The following LRRK2 variants were observed in gnomAD, a reference collection of about 807,000 sequenced individuals.
The protein encoded by LRRK2 is leucine rich repeat kinase 2, also known as leucine-rich repeat serine/threonine-protein kinase 2.
In LRRK2, 203 loss-of-function variants were observed where a neutral mutation model predicts 302.6. The ratio of observed to expected loss-of-function variants is 0.67; its 90% CI spans 0.60 to 0.75. The LOEUF (loss-of-function observed/expected upper bound fraction) is 0.75. Among genes scored for constraint, LRRK2 ranks in the 30% least tolerant of loss-of-function variants. The pLI is 0.00. For missense variants in LRRK2, 2,830 were observed against 2,951.0 expected, an observed-to-expected ratio of 0.96 and a Z score of 0.95; for synonymous variants, 1,066 against 1,031.9, an observed-to-expected ratio of 1.03 and a Z score of -0.63.
chr12:40,363,390 T>C lies in LRRK2; in HGVS notation c.7029-12T>C. ...CAAATAGTGATGACTTTCTATTTTT[T>C]TTTCTCTGTAGGTTTTCTTATGCAG... On this transcript the variant is annotated splice_polypyrimidine_tract_variant and intron_variant, in intron 47 of 50. Coordinates refer to ENST00000298910, the MANE Select transcript of LRRK2 (RefSeq NM_198578.4). 1.2e-6 allele frequency: 2 copies of C among 1,610,312 alleles called. No homozygotes were observed. Among genetic ancestry groups the C allele is most frequent in the Non-Finnish European group, 1.7e-6 (2 of 1,177,774 alleles).
At chr12:40,227,722 G>T (rs1047019411) in intron 2 of LRRK2, among the ~76,000 whole-genome samples, 4 of 152,106 alleles carry the variant, frequency 2.6e-5, no homozygotes. Flanking sequence ...TAGAGACAGG[G>T]TCTCACTCTG....
At chr12:40,244,169 A>G (rs1276989792) in intron 7 of LRRK2, among the ~76,000 whole-genome samples, 1 of 152,150 alleles carries the variant, frequency 6.6e-6, no homozygotes, top group Non-Finnish European at 1.5e-5. Flanking sequence ...ACTATCCAGA[A>G]TTTTGTGTTT....
Position 40,232,306 on chromosome 12 carries a change from A to G in LRRK2, c.270A>G (p.Glu90=). Residue 90 remains glutamate, a synonymous_variant, in exon 3 of 51, where the codon GAA becomes GAG. Coordinates refer to ENST00000298910, the MANE Select transcript of LRRK2 (RefSeq NM_198578.4). ...GGTCACTTCTGTGCAAATTAATAGAAGTCTGTCCAGGTACAATGCAAAGCT... is the reference window on the plus strand; with the variant it reads ...GGTCACTTCTGTGCAAATTAATAGAGGTCTGTCCAGGTACAATGCAAAGCT... ...VGWSLLCKLI[E]VCPGTMQSLM... 9 of 1,614,134 alleles carry G rather than the reference A, an allele frequency of 5.6e-6. No individual in the cohort carries two copies. Among genetic ancestry groups the G allele is most frequent in the African/African-American group, 1.3e-5 (1 of 75,044 alleles).
chr12:40,250,002 A>G (rs542733029), intron 8 of LRRK2, 57 bp downstream of exon 8: 12 of 1,595,796 alleles, frequency 7.5e-6, no homozygotes, highest in Middle Eastern at 1.7e-4. Context: ...TCAAATATGA[A>G]CATTGTAACA....
intron 44 of LRRK2, among the ~76,000 whole-genome samples, chr12:40,353,031 G>T (rs1192908254): frequency 1.8e-4 from 27 of 151,846 alleles, no homozygotes; most frequent in Non-Finnish European, 3.4e-4. Context: ...TCCCAGAAGG[G>T]GCGGCCGGGC....
intron 16 of LRRK2, among the ~76,000 whole-genome samples, chr12:40,277,485 A>G (rs1375449989): frequency 6.6e-6 from 1 of 152,208 alleles, no homozygotes; most frequent in African/African-American, 2.4e-5. Flanking sequence ...CTACTGTTCA[A>G]TATTATAATA....
intron 14 of LRRK2, among the ~76,000 whole-genome samples, chr12:40,273,777 G>A (rs1453057361): frequency 1.3e-5 from 2 of 152,170 alleles, no homozygotes; most frequent in Non-Finnish European, 1.5e-5. Context: ...GATGTTTGGA[G>A]TGTATTGCTT....
At chr12:40,332,214 A>T (rs929254879) in intron 39 of LRRK2, among the ~76,000 whole-genome samples, 4 of 152,094 alleles carry the variant, frequency 2.6e-5, no homozygotes, top group East Asian at 3.8e-4. Flanking sequence ...TGAGAGGCTG[A>T]TGTTGGGGTC....
intron 41 of LRRK2, among the ~76,000 whole-genome samples, chr12:40,344,252 C>G (rs951558980): frequency 3.9e-5 from 6 of 152,070 alleles, no homozygotes; most frequent in African/African-American, 1.4e-4. Context: ...CCTGTGATTC[C>G]AAATTCTAAC....
At chr12:40,355,639 T>A (rs1946511675) in intron 45 of LRRK2, among the ~76,000 whole-genome samples, 1 of 151,576 alleles carries the variant, frequency 6.6e-6, no homozygotes, top group Admixed American at 6.6e-5. Flanking sequence ...ACCTCCTAAG[T>A]TCAAGCGATT....
rs533904051 is a variant in LRRK2, at chr12:40,241,371, T to A, written c.706+754T>A. ...ATGAGGCTTTGAAATTTAGCCACAT[T>A]TTTCACCAAAAATATTAATCAGAAG... On this transcript the variant is annotated intron_variant, in intron 6 of 50. Coordinates refer to ENST00000298910, the MANE Select transcript of LRRK2 (RefSeq NM_198578.4). Among the ~76,000 whole-genome samples the A allele has an allele frequency of 4.6e-5, 7 of 152,336 alleles. No homozygotes were observed. In the East Asian group the frequency reaches 1.3e-3, roughly 29 times the overall value.
chr12:40,238,038 C>G lies in LRRK2; in HGVS notation c.506C>G (p.Ser169Ter). The G allele has an allele frequency of 6.2e-7, 1 of 1,613,552 alleles. No individual in the cohort carries two copies. The highest frequency in any genetic ancestry group is 1.1e-5 in the South Asian group (1 of 91,068). The change falls in exon 5 of 51, where the codon TCA becomes TGA. Residue 169 changes from serine (S) to a stop codon, truncating the protein, a stop_gained. Coordinates refer to ENST00000298910, the MANE Select transcript of LRRK2 (RefSeq NM_198578.4). LOFTEE classifies it high-confidence loss of function. ...ATGTTAATTTTTGATGCCATGCACT[C>G]ATTTCCAGCCAATGATGAAGTCCAG... is the stretch of plus-strand genomic sequence containing the variant. Reference protein sequence around the residue: ...IFMLIFDAMHSFPANDEVQKL... With the variant: ...IFMLIFDAMH
At chr12:40,293,281 A>G (rs1162421389) in intron 20 of LRRK2, among the ~76,000 whole-genome samples, 2 of 152,012 alleles carry the variant, frequency 1.3e-5, no homozygotes, top group Admixed American at 1.3e-4. Context: ...GCATATCAGT[A>G]TCCCGTGCTT....
chr12:40,367,938 G>A lies in LRRK2; in HGVS notation c.*173G>A, dbSNP rs200922568. 1.8e-4 allele frequency: 81 copies of A among 458,440 alleles called. No homozygotes were observed. The highest frequency in any genetic ancestry group is 1.5e-3 in the African/African-American group (74 of 49,358). 28.4% of individuals were successfully genotyped at this position (458,440 alleles called of 1,614,324 possible). On this transcript the variant is annotated 3_prime_UTR_variant, in exon 51 of 51. Transcript: ENST00000298910. ...TATGTAAAAATACTTACCAGTAAAT[G>A]TGTATTTTAAAGAACTATTTAAAAC...
chr12:40,230,804 G>A (rs1368903633), intron 2 of LRRK2, among the ~76,000 whole-genome samples: 5 of 151,636 alleles, frequency 3.3e-5, no homozygotes, highest in Non-Finnish European at 7.4e-5. Context: ...TTTGAAATCA[G>A]GACTTTCAAT....
In LRRK2 at chr12:40,308,453, C is replaced by T; in HGVS notation, c.3960-14C>T. On this transcript the variant is annotated splice_polypyrimidine_tract_variant and intron_variant, in intron 28 of 50. Coordinates refer to ENST00000298910, the MANE Select transcript of LRRK2 (RefSeq NM_198578.4). ...AAGCAGTTTATTATTTTATTTTTAT[C>T]TTTCAAATACTAGGTTTCTTCAACA... 1 of 1,599,054 alleles carries T rather than the reference C, an allele frequency of 6.3e-7. No homozygotes were observed.
rs778987251 is a variant in LRRK2 at position 40,314,148 on chromosome 12, C to G, written c.4713C>G (p.His1571Gln). 18 of 1,612,340 alleles carry G rather than the reference C, an allele frequency of 1.1e-5. No individual in the cohort carries two copies. Among genetic ancestry groups the G allele is most frequent in the Non-Finnish European group, 1.4e-5 (17 of 1,178,822 alleles). Residue 1571 changes from histidine to glutamine, a missense_variant, in exon 32 of 51, where the codon CAC (histidine) becomes CAG (glutamine). Physicochemically the swap from His to Gln is conservative, Grantham distance 24 (BLOSUM62 0). Transcript: ENST00000298910. ...QLQLDENELP[H>Q]AVHFLNESGV... ...AGTTAGATGAAAATGAGCTTCCTCA[C>G]GCAGTTCACTTTCTAAATGAATCAG...
chr12:40,292,953 A>G (rs946726864), intron 20 of LRRK2, among the ~76,000 whole-genome samples: 1 of 152,096 alleles, frequency 6.6e-6, no homozygotes, highest in Non-Finnish European at 1.5e-5. Context: ...ACCATGAAAC[A>G]TGAAATTCAA....
chr12:40,322,794 T>C (rs944326721), intron 37 of LRRK2, among the ~76,000 whole-genome samples: 5 of 152,002 alleles, frequency 3.3e-5, no homozygotes, highest in Admixed American at 6.6e-5. Flanking sequence ...AGAACTGTTA[T>C]AAAGATTCAA....
Sources: gnomAD v4.1 joint callset for allele counts (sites outside exome capture counted in the v4.1 genomes callset) on GRCh38, gnomAD v4.1.1 for gene constraint, MANE v1.5 for transcripts, NCBI Gene and HGNC (gene_info 2026-07-23, HGNC 2026-07-21) for gene names.